Variants in COQ5 observed in about 807,000 individuals in gnomAD.
The protein encoded by COQ5 is 2-methoxy-6-polyprenyl-1,4-benzoquinol methylase, mitochondrial.
Under a neutral mutation model 40.5 loss-of-function variants are expected in COQ5, and 27 were observed. The ratio of observed to expected loss-of-function variants is 0.67; its 90% CI spans 0.49 to 0.92. COQ5 has a LOEUF of 0.92. Among genes scored for constraint, COQ5 ranks in the 40% least tolerant of loss-of-function variants. The pLI is 0.00. For synonymous variants in COQ5, 141 were observed against 150.0 expected (o/e 0.94, Z 0.44); for missense variants, 409 against 406.4 (o/e 1.01, Z -0.06).
At chr12:120,519,530 A>G (rs1029345866) in intron 2 of COQ5, among the ~76,000 whole-genome samples, 2 of 152,024 alleles carry the variant, frequency 1.3e-5, no homozygotes, top group African/African-American at 2.4e-5. Flanking sequence ...ATTGCACTCC[A>G]GCCGGGGCAA....
chr12:120,523,936 G>A (rs537073406), intron 1 of COQ5: 4 of 423,098 alleles, frequency 9.5e-6, no homozygotes, highest in African/African-American at 2.1e-5. Context: ...CTGGAACCTG[G>A]AAGGTAGAGG....
chr12:120,521,997 C>CA lies in COQ5; in HGVS notation c.352+216dup, dbSNP rs538753485. Among the ~76,000 whole-genome samples, 134 of 139,958 alleles carry CA rather than the reference C, an allele frequency of 9.6e-4. No individual in the cohort carries two copies. In the Middle Eastern group the frequency reaches 0.018, roughly 19 times the overall value. 91.8% of individuals were successfully genotyped at this position (139,958 alleles called of 152,430 possible). ...GGGCGACAGAGTGAGACTCCTATCT[C>CA]AAAAAAAAAAAAGTGACAGGCACAA... On this transcript the variant is annotated intron_variant, in intron 2 of 6. Coordinates refer to ENST00000288532, the MANE Select transcript of COQ5 (RefSeq NM_032314.4).
intron 3 of COQ5, among the ~76,000 whole-genome samples, chr12:120,511,008 C>T (rs569182627): frequency 1.3e-5 from 2 of 151,968 alleles, no homozygotes; most frequent in East Asian, 1.9e-4. Context: ...CGGTGGCTCA[C>T]GCCTGAAATC....
intron 1 of COQ5, chr12:120,523,988 C>A (rs1035754494): frequency 1.2e-5 from 4 of 341,166 alleles, no homozygotes; most frequent in Non-Finnish European, 2.4e-5. Flanking sequence ...CCAGCCTGGG[C>A]GACAGAGAGA....
intron 3 of COQ5, among the ~76,000 whole-genome samples, chr12:120,513,362 C>T (rs1419435460): frequency 6.6e-6 from 1 of 150,876 alleles, no homozygotes; most frequent in Non-Finnish European, 1.5e-5. Flanking sequence ...ATTAGCCGGG[C>T]GTGGCGGCAT....
At position 120,511,983 on chromosome 12, in the gene COQ5, G is replaced by A. The variant is rs146684572; in HGVS notation, c.575-1860C>T. On this transcript the variant is annotated intron_variant, in intron 3 of 6. Transcript: ENST00000288532. Reference sequence around the variant, plus strand: ...TCCCAGCACTTTGGGAGGCCGAGGCGGGCAGATCATGAGGTCAGGAGTTCA... The same window carrying A: ...TCCCAGCACTTTGGGAGGCCGAGGCAGGCAGATCATGAGGTCAGGAGTTCA... Among the ~76,000 whole-genome samples the A allele has an allele frequency of 3.9e-3, 595 of 150,980 alleles. 3 individuals carry two copies. The highest frequency in any genetic ancestry group is 0.014 in the African/African-American group (567 of 41,110).
intron 1 of COQ5, 80 bp downstream of exon 1, chr12:120,528,860 T>G: frequency 7.5e-7 from 1 of 1,331,668 alleles, no homozygotes; most frequent in South Asian, 1.2e-5. Flanking sequence ...TAATTGGATG[T>G]TAAATCAACC....
intron 1 of COQ5, 56 bp downstream of exon 1, chr12:120,528,884 A>G: frequency 6.6e-7 from 1 of 1,510,050 alleles, no homozygotes; most frequent in Non-Finnish European, 9.2e-7. Context: ...ACTGGCCAGA[A>G]GAAACCAGAC....
At position 120,504,018 on chromosome 12, in the gene COQ5, C is replaced by T; in HGVS notation, c.834G>A (p.Trp278Ter). 6.2e-7 allele frequency: 1 copy of T among 1,613,790 alleles called. No homozygotes were observed. Among genetic ancestry groups the T allele is most frequent in the Non-Finnish European group, 8.5e-7 (1 of 1,179,678 alleles). The part of the protein sequence containing the change: ...PVLGEVIAGD[W>*]KSYQYLVESI... ...TCTCTACAAGGTACTGATAGGACTT[C>T]CAGTCTCCAGCGATGACCTCTCCCA... Residue 278 changes from tryptophan (W) to a stop codon, truncating the protein, a stop_gained, in exon 6 of 7, where the codon TGG becomes TGA. Transcript: ENST00000288532. LOFTEE classifies it high-confidence loss of function.
intron 4 of COQ5, among the ~76,000 whole-genome samples, chr12:120,505,342 G>A (rs1027164296): frequency 2.0e-5 from 3 of 151,872 alleles, no homozygotes; most frequent in East Asian, 1.9e-4. Context: ...TTCTACTGTG[G>A]GAATGACATG....
chr12:120,528,740 GT>G (rs1356360685), intron 1 of COQ5, among the ~76,000 whole-genome samples, 199 bp downstream of exon 1: 3 of 151,442 alleles, frequency 2.0e-5, no homozygotes, highest in African/African-American at 4.8e-5. Context: ...GGAGGCGGAG[GT>G]TGCAGTGAGC....
intron 5 of COQ5, among the ~76,000 whole-genome samples, chr12:120,504,399 CTGATT>C (rs1217409733): frequency 2.0e-5 from 3 of 146,742 alleles, no homozygotes; most frequent in African/African-American, 7.4e-5. Flanking sequence ...GGAAAATTTC[CTGATT>C]TAAATTTTTT....
At position 120,528,932 on chromosome 12, in the gene COQ5, C is replaced by T; in HGVS notation, c.202+8G>A. 2 of 1,613,854 alleles carry T rather than the reference C, an allele frequency of 1.2e-6. No homozygotes were observed. The highest frequency in any genetic ancestry group is 1.7e-6 in the Non-Finnish European group (2 of 1,179,720). ...GATCCCTCCCATCCGCCCTCTCGCC[C>T]CTTTCACCTTTGCCCCCCTTCTCCT... On this transcript the variant is annotated splice_region_variant and intron_variant, in intron 1 of 6. Coordinates refer to ENST00000288532, the MANE Select transcript of COQ5 (RefSeq NM_032314.4).
At chr12:120,505,057 T>C in intron 4 of COQ5, 74 bp from the exon 5 acceptor site, 1 of 1,239,862 alleles carries the variant, frequency 8.1e-7, no homozygotes, top group Non-Finnish European at 1.2e-6. Flanking sequence ...AAGACAGCTT[T>C]AGCTTCTGCA....
chr12:120,522,943 C>A, intron 1 of COQ5: 1 of 629,366 alleles, frequency 1.6e-6, no homozygotes, highest in Non-Finnish European at 2.8e-6. Context: ...GCACTGTTGG[C>A]CTGCATCTTT....
At chr12:120,511,050 C>T (rs1869114607) in intron 3 of COQ5, among the ~76,000 whole-genome samples, 1 of 151,934 alleles carries the variant, frequency 6.6e-6, no homozygotes, top group South Asian at 2.1e-4. Flanking sequence ...GGAGGCAGAT[C>T]ACGAGGTCAG....
chr12:120,506,082 T>C (rs1868870862), intron 4 of COQ5, among the ~76,000 whole-genome samples: 1 of 151,704 alleles, frequency 6.6e-6, no homozygotes, highest in Non-Finnish European at 1.5e-5. Flanking sequence ...CTTGAACTCC[T>C]GGCCTGAAGT....
chr12:120,510,569 C>G (rs1356458840), intron 3 of COQ5, among the ~76,000 whole-genome samples: 2 of 152,178 alleles, frequency 1.3e-5, no homozygotes, highest in Non-Finnish European at 1.5e-5. Flanking sequence ...CCGCCTCGGC[C>G]TCCCAAAGTG....
chr12:120,507,372 C>T (rs1868927314), intron 4 of COQ5, among the ~76,000 whole-genome samples: 1 of 151,114 alleles, frequency 6.6e-6, no homozygotes, highest in Non-Finnish European at 1.5e-5. Context: ...ACAACCTCTG[C>T]CTCCCGGGTT....
Sources: allele counts gnomAD v4.1 joint callset (sites outside exome capture counted in the v4.1 genomes callset), GRCh38; gene constraint gnomAD v4.1.1; transcripts MANE v1.5; gene names NCBI Gene and HGNC (gene_info 2026-07-23, HGNC 2026-07-21).